Variants in NIPAL2 observed in about 807,000 individuals in gnomAD.
The protein encoded by NIPAL2 is NIPA-like protein 2.
In NIPAL2, 43 loss-of-function variants were observed where a neutral mutation model predicts 48.9. The ratio of observed to expected loss-of-function variants is 0.88; its 90% CI spans 0.69 to 1.13. The LOEUF is 1.13. Ranked by LOEUF, NIPAL2 falls within the 50% of genes most tolerant of loss-of-function variation. NIPAL2 has a pLI of 0.00. For synonymous variants in NIPAL2, 167 were observed against 174.6 expected, an observed-to-expected ratio of 0.96 and a Z score of 0.34; for missense variants, 446 against 461.4, an observed-to-expected ratio of 0.97 and a Z score of 0.31.
At chr8:98,291,915 A>C (rs946562739) in intron 1 of NIPAL2, among the ~76,000 whole-genome samples, 1 of 152,178 alleles carries the variant, frequency 6.6e-6, no homozygotes, top group Admixed American at 6.5e-5. Flanking sequence ...CATTGATTCT[A>C]AGTGGCCACT....
intron 3 of NIPAL2, among the ~76,000 whole-genome samples, chr8:98,249,779 A>G (rs928028099): frequency 6.8e-6 from 1 of 147,680 alleles, no homozygotes; most frequent in South Asian, 2.1e-4. Flanking sequence ...TATATTTAAT[A>G]TAATTATATA....
At chr8:98,277,365 C>T (rs1199205044) in intron 1 of NIPAL2, among the ~76,000 whole-genome samples, 3 of 151,972 alleles carry the variant, frequency 2.0e-5, no homozygotes, top group Non-Finnish European at 4.4e-5. Context: ...TCTGTCTCTA[C>T]TATTAATAAA....
chr8:98,292,299 A>G (rs1056088447), intron 1 of NIPAL2, among the ~76,000 whole-genome samples: 1 of 152,278 alleles, frequency 6.6e-6, no homozygotes, highest in African/African-American at 2.4e-5. Context: ...AGAGGCACTC[A>G]ATAAAATGCT....
At chr8:98,236,275 A>T (rs543059997) in intron 3 of NIPAL2, 61 bp from the exon 4 acceptor site, 3 of 1,184,698 alleles carry the variant, frequency 2.5e-6, no homozygotes, top group Admixed American at 2.0e-5. Context: ...ACGCAATGCC[A>T]TTTGAAAGAA....
At chr8:98,292,950 T>C (rs1044689640) in intron 1 of NIPAL2, among the ~76,000 whole-genome samples, 1 of 152,166 alleles carries the variant, frequency 6.6e-6, no homozygotes. Context: ...TTTATATCTT[T>C]TATGATGAAA....
intron 1 of NIPAL2, among the ~76,000 whole-genome samples, chr8:98,282,688 A>G (rs1002396583): frequency 6.6e-6 from 1 of 152,140 alleles, no homozygotes; most frequent in Non-Finnish European, 1.5e-5. Flanking sequence ...CAAAAAAGAA[A>G]AGAAAAAAGA....
intron 2 of NIPAL2, 25 bp downstream of exon 2, chr8:98,253,994 T>C: frequency 6.5e-7 from 1 of 1,534,040 alleles, no homozygotes; most frequent in Non-Finnish European, 9.0e-7. Flanking sequence ...ATCTATAGTG[T>C]TAGAAAAATA....
intron 1 of NIPAL2, among the ~76,000 whole-genome samples, chr8:98,277,195 TA>T (rs1459479521): frequency 5.1e-4 from 77 of 152,198 alleles, no homozygotes; most frequent in Non-Finnish European, 4.3e-4. Context: ...AATATACTCA[TA>T]CAGTTGTGCA....
intron 1 of NIPAL2, among the ~76,000 whole-genome samples, chr8:98,267,419 G>T (rs1814840759): frequency 6.6e-6 from 1 of 151,686 alleles, no homozygotes; most frequent in Non-Finnish European, 1.5e-5. Flanking sequence ...GACCTTCTGG[G>T]TTCAAGCAAT....
At chr8:98,217,096 C>T (rs1270910190) in intron 5 of NIPAL2, 1 of 985,296 alleles carries the variant, frequency 1.0e-6, no homozygotes, top group Non-Finnish European at 1.2e-6. Flanking sequence ...TGGGGATTGC[C>T]CATCTGCAGC....
At chr8:98,229,786 A>G (rs536648569) in intron 4 of NIPAL2, among the ~76,000 whole-genome samples, 66 of 152,244 alleles carry the variant, frequency 4.3e-4, no homozygotes, top group Non-Finnish European at 6.9e-4. Flanking sequence ...TATGATGATG[A>G]TGATAACTAT....
At chr8:98,271,272 T>C (rs1815107121) in intron 1 of NIPAL2, among the ~76,000 whole-genome samples, 2 of 152,206 alleles carry the variant, frequency 1.3e-5, no homozygotes, top group Admixed American at 6.5e-5. Context: ...ATAGAATCTA[T>C]AGATTGCTTT....
intron 3 of NIPAL2, among the ~76,000 whole-genome samples, chr8:98,246,664 T>C (rs935995956): frequency 1.2e-4 from 18 of 152,196 alleles, no homozygotes; most frequent in African/African-American, 3.9e-4. Context: ...GTTTCTTACC[T>C]TTATTACTTT....
chr8:98,289,862 G>C (rs1382975136), intron 1 of NIPAL2, among the ~76,000 whole-genome samples: 1 of 152,182 alleles, frequency 6.6e-6, no homozygotes, highest in African/African-American at 2.4e-5. Flanking sequence ...TTAAGGGATA[G>C]TCATATGCAG....
chr8:98,293,934 G>A, intron 1 of NIPAL2, 69 bp downstream of exon 1: 1 of 1,319,888 alleles, frequency 7.6e-7, no homozygotes, highest in African/African-American at 1.6e-5. Context: ...CCGAGGCGCA[G>A]AGGCGCCCGG....
At chr8:98,256,562 A>C (rs994582104) in intron 1 of NIPAL2, among the ~76,000 whole-genome samples, 5 of 152,284 alleles carry the variant, frequency 3.3e-5, no homozygotes, top group African/African-American at 1.2e-4. Context: ...CAGCATCACT[A>C]ATCATTAGGA....
At chr8:98,268,394 G>C (rs945442720) in intron 1 of NIPAL2, among the ~76,000 whole-genome samples, 99 of 152,140 alleles carry the variant, frequency 6.5e-4, no homozygotes, top group Non-Finnish European at 1.6e-4. Context: ...GCTGAGGTGG[G>C]CAGATCACTT....
intron 1 of NIPAL2, among the ~76,000 whole-genome samples, chr8:98,259,069 C>CTTTTTTTTTTTTTTTTTT (rs1563531576): frequency 7.8e-5 from 7 of 89,350 alleles, no homozygotes; most frequent in South Asian, 3.8e-4. Context: ...TTTAAATATT[C>CTTTTTTTTTTTTTTTTTT]CTTTTTTTTT....
intron 3 of NIPAL2, among the ~76,000 whole-genome samples, chr8:98,248,963 C>T (rs956967032): frequency 2.0e-5 from 3 of 152,140 alleles, no homozygotes; most frequent in Admixed American, 1.3e-4. Context: ...GAAGCATAGA[C>T]GGGTTATTTA....
Sources: gnomAD v4.1 joint callset for allele counts (sites outside exome capture counted in the v4.1 genomes callset) on GRCh38, gnomAD v4.1.1 for gene constraint, MANE v1.5 for transcripts, NCBI Gene and HGNC (gene_info 2026-07-23, HGNC 2026-07-21) for gene names.